Variants in CDH12 observed in about 807,000 individuals in gnomAD.
CDH12 encodes cadherin-12.
Under a neutral mutation model 74.1 loss-of-function variants are expected in CDH12, and 41 were observed. That is an observed-to-expected ratio of 0.55 (90% CI 0.43 to 0.72). The LOEUF (loss-of-function observed/expected upper bound fraction) is 0.72, where lower values mean the gene tolerates loss of function less well. Ranked by LOEUF, CDH12 falls within the 30% of genes least tolerant of loss-of-function variation. The probability of loss-of-function intolerance (pLI) is 0.00; values close to 1 mark genes in which losing one functional copy is unlikely to be tolerated. For synonymous variants in CDH12, 399 were observed against 355.0 expected, an observed-to-expected ratio of 1.12 and a Z score of -1.39; for missense variants, 945 against 977.2, an observed-to-expected ratio of 0.97 and a Z score of 0.44.
At chr5:22,534,984 T>G (rs1737765784) in intron 1 of CDH12, among the ~76,000 whole-genome samples, 1 of 148,550 alleles carries the variant, frequency 6.7e-6, no homozygotes, top group Admixed American at 6.7e-5. Context: ...GCATTTTTTT[T>G]TTTTTTGAGA....
At chr5:21,986,059 A>G (rs953768702) in intron 5 of CDH12, among the ~76,000 whole-genome samples, 2 of 152,034 alleles carry the variant, frequency 1.3e-5, no homozygotes, top group African/African-American at 4.8e-5. Flanking sequence ...TAACAGCCCA[A>G]TGTGCTTTGA....
At chr5:22,352,095 A>G (rs1740378031) in intron 3 of CDH12, among the ~76,000 whole-genome samples, 1 of 150,860 alleles carries the variant, frequency 6.6e-6, no homozygotes, top group Admixed American at 6.6e-5. Flanking sequence ...TTAAAGCTCT[A>G]TTAAGTGTTT....
intron 3 of CDH12, among the ~76,000 whole-genome samples, chr5:22,245,599 C>T (rs1043766408): frequency 9.2e-5 from 14 of 151,778 alleles, no homozygotes; most frequent in African/African-American, 2.9e-4. Context: ...AATGTAAGAA[C>T]TACAGACTTA....
At chr5:22,782,604 G>A (rs1427925630) in intron 1 of CDH12, among the ~76,000 whole-genome samples, 1 of 152,080 alleles carries the variant, frequency 6.6e-6, no homozygotes, top group Admixed American at 6.6e-5. Context: ...TGTGAAAACA[G>A]ACTAATAGAA....
rs191080482 is a variant in CDH12 at position 22,419,435 on chromosome 5, G to C, written c.-427-14084C>G. ...TTTTCTGTTCCTGTGTTAGTTTGCT[G>C]AGGGTAATGGCTTCTACCTCCTTCC... On this transcript the variant is annotated intron_variant, in intron 2 of 14. Transcript: ENST00000382254. Among the ~76,000 whole-genome samples the C allele has an allele frequency of 1.7e-3, 258 of 152,232 alleles. 4 individuals are homozygous for C. Among genetic ancestry groups the C allele is most frequent in the Admixed American group, 0.012 (186 of 15,286 alleles).
chr5:22,765,414 A>G (rs1180332576), intron 1 of CDH12, among the ~76,000 whole-genome samples: 3 of 152,074 alleles, frequency 2.0e-5, no homozygotes, highest in East Asian at 1.9e-4. Context: ...TTGTTATTGG[A>G]GAGAGTCAAT....
intron 6 of CDH12, among the ~76,000 whole-genome samples, chr5:21,961,901 T>C (rs1756378754): frequency 6.6e-6 from 1 of 152,144 alleles, no homozygotes; most frequent in African/African-American, 2.4e-5. Context: ...TAATCAGTGA[T>C]GTCAGTGTTG....
intron 1 of CDH12, among the ~76,000 whole-genome samples, chr5:22,683,692 T>C (rs1741616236): frequency 6.6e-6 from 1 of 152,186 alleles, no homozygotes; most frequent in Admixed American, 6.5e-5. Context: ...CCTTTTTCGC[T>C]AAAGAAGAAA....
chr5:21,772,581 A>C (rs1010893471), intron 11 of CDH12, among the ~76,000 whole-genome samples: 2 of 152,194 alleles, frequency 1.3e-5, no homozygotes, highest in African/African-American at 4.8e-5. Flanking sequence ...GCCCAAATAG[A>C]ATCTTTGATA....
chr5:22,515,366 A>G (rs1028689369), intron 1 of CDH12, among the ~76,000 whole-genome samples: 8 of 152,120 alleles, frequency 5.3e-5, no homozygotes, highest in Non-Finnish European at 1.2e-4. Flanking sequence ...TTAATAATAA[A>G]TAAGTACAAG....
chr5:22,309,375 G>C (rs1479349735), intron 3 of CDH12, among the ~76,000 whole-genome samples: 1 of 151,932 alleles, frequency 6.6e-6, no homozygotes, highest in East Asian at 1.9e-4. Flanking sequence ...GAACAAAACA[G>C]GTAAAATAGT....
chr5:22,598,094 G>T (rs1736687387), intron 1 of CDH12, among the ~76,000 whole-genome samples: 1 of 152,114 alleles, frequency 6.6e-6, no homozygotes, highest in African/African-American at 2.4e-5. Flanking sequence ...AACTAAGTTT[G>T]TGGTTTGGGT....
At chr5:21,978,806 T>G (rs1042802913) in intron 5 of CDH12, among the ~76,000 whole-genome samples, 3 of 152,144 alleles carry the variant, frequency 2.0e-5, no homozygotes, top group Non-Finnish European at 4.4e-5. Flanking sequence ...TTCCTTAAAA[T>G]AAAAAGGCAA....
At chr5:22,523,881 A>G (rs1737153929) in intron 1 of CDH12, among the ~76,000 whole-genome samples, 1 of 152,024 alleles carries the variant, frequency 6.6e-6, no homozygotes, top group South Asian at 2.1e-4. Context: ...ATCTCATTAG[A>G]TTGACTCTCT....
intron 5 of CDH12, among the ~76,000 whole-genome samples, chr5:22,040,275 T>A (rs981307937): frequency 1.3e-5 from 2 of 151,908 alleles, no homozygotes; most frequent in African/African-American, 4.8e-5. Flanking sequence ...ACAAAAAGAA[T>A]GAAACAAAGA....
intron 1 of CDH12, among the ~76,000 whole-genome samples, chr5:22,851,331 C>A (rs1293180223): frequency 6.6e-6 from 1 of 152,012 alleles, no homozygotes; most frequent in Non-Finnish European, 1.5e-5. Flanking sequence ...TTAAAAACTT[C>A]CCCCTACTGC....
chr5:22,052,135 A>G (rs1740414596), intron 5 of CDH12, among the ~76,000 whole-genome samples: 1 of 152,156 alleles, frequency 6.6e-6, no homozygotes, highest in Admixed American at 6.6e-5. Context: ...AATGTGTGAA[A>G]GCCTTCAGCA....
At chr5:22,103,125 C>G (rs2150251684) in intron 4 of CDH12, among the ~76,000 whole-genome samples, 1 of 152,164 alleles carries the variant, frequency 6.6e-6, no homozygotes, top group East Asian at 1.9e-4. Context: ...AGATAGGTGA[C>G]AGAGAAAGAA....
chr5:22,561,913 G>A (rs1430609621), intron 1 of CDH12, among the ~76,000 whole-genome samples: 2 of 151,836 alleles, frequency 1.3e-5, no homozygotes, highest in African/African-American at 4.8e-5. Flanking sequence ...CCTTTTTTTG[G>A]ATGAAACATG....
Sources: gnomAD v4.1 joint callset for allele counts (sites outside exome capture counted in the v4.1 genomes callset) on GRCh38, gnomAD v4.1.1 for gene constraint, MANE v1.5 for transcripts, NCBI Gene and HGNC (gene_info 2026-07-23, HGNC 2026-07-21) for gene names.